ATXN7L1: variants seen among roughly 807,000 people sequenced by gnomAD.
ATXN7L1 encodes ataxin-7-like protein 1.
In ATXN7L1, 15 loss-of-function variants were observed where a neutral mutation model predicts 70.8. The ratio of observed to expected loss-of-function variants is 0.21; its 90% CI spans 0.14 to 0.33. The LOEUF is 0.33. Ranked by LOEUF, ATXN7L1 falls within the 10% of genes least tolerant of loss-of-function variation. The pLI, the probability that ATXN7L1 is intolerant of heterozygous loss-of-function variation, is 1.00. For synonymous variants in ATXN7L1, 440 were observed against 445.1 expected (o/e 0.99, Z 0.14); for missense variants, 975 against 1,097.1 (o/e 0.89, Z 1.57).
Position 105,621,270 on chromosome 7 carries a change from C to T in ATXN7L1, c.1396-949G>A, listed in dbSNP as rs569717874. On this transcript the variant is annotated intron_variant, in intron 8 of 11. Transcript: ENST00000419735. ...AATTTCCCCCTCTCTCTCCTGGTTC[C>T]CTTATCAAGACTCTCATTTCCAGTG... 5.9e-5 allele frequency among the ~76,000 whole-genome samples: 9 copies of T among 152,252 alleles called. No individual in the cohort carries two copies. In the South Asian group the frequency reaches 1.5e-3, roughly 25 times the overall value.
chr7:105,725,583 CTT>C (rs11428348), intron 3 of ATXN7L1, among the ~76,000 whole-genome samples: 9 of 140,394 alleles, frequency 6.4e-5, no homozygotes, highest in Non-Finnish European at 7.7e-5. Context: ...TTTCCATTTC[CTT>C]TTTTTTTTTT....
At chr7:105,702,979 G>A (rs1051139089) in intron 3 of ATXN7L1, among the ~76,000 whole-genome samples, 2 of 152,224 alleles carry the variant, frequency 1.3e-5, no homozygotes, top group African/African-American at 2.4e-5. Flanking sequence ...AGCAAGGCGT[G>A]GCGGCGTGCG....
intron 7 of ATXN7L1, among the ~76,000 whole-genome samples, chr7:105,624,646 T>G: frequency 2.4e-5 from 1 of 41,564 alleles, no homozygotes; most frequent in Admixed American, 2.9e-4. Context: ...CAAGACTCTG[T>G]CTCAAAAAAA....
chr7:105,712,946 C>T (rs1468776728), intron 3 of ATXN7L1, among the ~76,000 whole-genome samples: 1 of 152,188 alleles, frequency 6.6e-6, no homozygotes, highest in Non-Finnish European at 1.5e-5. Flanking sequence ...TAAAGCACTA[C>T]CTGAGACTGG....
intron 2 of ATXN7L1, among the ~76,000 whole-genome samples, chr7:105,809,229 T>C (rs751194035): frequency 2.0e-5 from 3 of 152,266 alleles, no homozygotes; most frequent in Middle Eastern, 3.2e-3. Flanking sequence ...TAGTGACTAA[T>C]ATATTACATC....
intron 2 of ATXN7L1, among the ~76,000 whole-genome samples, chr7:105,864,819 T>C (rs1020406292): frequency 1.6e-4 from 25 of 151,964 alleles, no homozygotes; most frequent in African/African-American, 6.0e-4. Context: ...TTTTTTTTAG[T>C]AGAGATGGGG....
chr7:105,613,618 G>A lies in ATXN7L1; in HGVS notation c.2472+244C>T, dbSNP rs186101272. On this transcript the variant is annotated intron_variant, in intron 10 of 11. Coordinates refer to ENST00000419735, the MANE Select transcript of ATXN7L1 (RefSeq NM_020725.2). ...ACTGCACTCACTGCACTGGGGTGTC[G>A]TGAGGACTCAGTGAGGTAATAACCG... The A allele has an allele frequency of 3.1e-4, 423 of 1,383,950 alleles. 6 individuals are homozygous for A. The Admixed American group carries it at 0.011, about 35-fold the overall frequency. 85.7% of individuals were successfully genotyped at this position (1,383,950 alleles called of 1,614,324 possible). A position where few individuals can be genotyped will look rare whatever the true frequency, so the allele number is the denominator to read the frequency against.
chr7:105,618,527 T>C (rs1187330022), intron 9 of ATXN7L1, among the ~76,000 whole-genome samples: 2 of 152,138 alleles, frequency 1.3e-5, no homozygotes, highest in African/African-American at 4.8e-5. Flanking sequence ...CTGGAAGCTC[T>C]TTAGGCTTCC....
At chr7:105,860,572 T>G (rs1371133645) in intron 2 of ATXN7L1, among the ~76,000 whole-genome samples, 1 of 152,196 alleles carries the variant, frequency 6.6e-6, no homozygotes, top group East Asian at 1.9e-4. Context: ...GACTGACTTT[T>G]TAAAAATGAA....
intron 2 of ATXN7L1, among the ~76,000 whole-genome samples, chr7:105,800,576 C>T (rs575726875): frequency 6.6e-6 from 1 of 152,302 alleles, no homozygotes; most frequent in Non-Finnish European, 1.5e-5. Flanking sequence ...AAAGTGAAGA[C>T]TGCCAGAAAC....
chr7:105,713,118 G>C (rs1234310695), intron 3 of ATXN7L1, among the ~76,000 whole-genome samples: 1 of 152,192 alleles, frequency 6.6e-6, no homozygotes, highest in Admixed American at 6.5e-5. Context: ...TGGGGGAAGT[G>C]CTAGACACTT....
chr7:105,765,927 T>C (rs1453512968), intron 3 of ATXN7L1, among the ~76,000 whole-genome samples: 1 of 152,030 alleles, frequency 6.6e-6, no homozygotes, highest in African/African-American at 2.4e-5. Flanking sequence ...GGGATGAACT[T>C]GAACTGATCC....
At chr7:105,823,592 C>T (rs1026621938) in intron 2 of ATXN7L1, among the ~76,000 whole-genome samples, 1 of 152,194 alleles carries the variant, frequency 6.6e-6, no homozygotes, top group African/African-American at 2.4e-5. Flanking sequence ...CACTTGGTTC[C>T]ACTATCTGTT....
In ATXN7L1 at chr7:105,733,618, C is replaced by T. The variant is rs1311684729; in HGVS notation, c.355+54986G>A. On this transcript the variant is annotated intron_variant, in intron 3 of 11. Coordinates refer to ENST00000419735, the MANE Select transcript of ATXN7L1 (RefSeq NM_020725.2). ...TCCATCCATCCACCCATCCATCCAT[C>T]CATCCATCCATCCACCCATCCATCC... is the stretch of plus-strand genomic sequence containing the variant. Among the ~76,000 whole-genome samples the T allele has an allele frequency of 2.8e-3, 372 of 132,332 alleles. 11 individuals carry two copies. The highest frequency in any genetic ancestry group is 3.4e-3 in the Admixed American group (45 of 13,330). 86.8% of individuals were successfully genotyped at this position (132,332 alleles called of 152,430 possible).
intron 3 of ATXN7L1, among the ~76,000 whole-genome samples, chr7:105,749,739 G>A (rs1033695748): frequency 3.6e-5 from 4 of 112,034 alleles, no homozygotes; most frequent in African/African-American, 1.0e-4. Context: ...CATCTGGGCA[G>A]CACCAGATCA....
intron 3 of ATXN7L1, among the ~76,000 whole-genome samples, chr7:105,684,787 T>G (rs1805956384): frequency 6.6e-6 from 1 of 152,188 alleles, no homozygotes; most frequent in African/African-American, 2.4e-5. Context: ...ACTCGATACA[T>G]CCCTCAGTGC....
chr7:105,739,092 T>C (rs926650974), intron 3 of ATXN7L1, among the ~76,000 whole-genome samples: 4 of 152,140 alleles, frequency 2.6e-5, no homozygotes, highest in African/African-American at 4.8e-5. Context: ...CAAACTGAGC[T>C]AGGCAAGGGA....
At chr7:105,677,974 C>A in intron 3 of ATXN7L1, 10 of 985,428 alleles carry the variant, frequency 1.0e-5, no homozygotes, top group Non-Finnish European at 1.2e-5. Flanking sequence ...CCCACAGCAG[C>A]CACTAATAAC....
chr7:105,639,663 C>T, intron 5 of ATXN7L1, 94 bp from the exon 6 acceptor site: 1 of 850,254 alleles, frequency 1.2e-6, no homozygotes, highest in Non-Finnish European at 1.8e-6. Flanking sequence ...CACATTTGCA[C>T]CAACAAGTGA....
Sources: gnomAD v4.1 joint callset for allele counts (sites outside exome capture counted in the v4.1 genomes callset) on GRCh38, gnomAD v4.1.1 for gene constraint, MANE v1.5 for transcripts, NCBI Gene and HGNC (gene_info 2026-07-23, HGNC 2026-07-21) for gene names.